The following SUGCT variants were observed in gnomAD, a reference collection of about 807,000 sequenced individuals.
The protein encoded by SUGCT is succinyl-CoA:glutarate CoA-transferase.
Under a neutral mutation model 55.0 loss-of-function variants are expected in SUGCT, and 41 were observed. That is an observed-to-expected ratio of 0.74 (90% CI 0.58 to 0.97). The LOEUF (loss-of-function observed/expected upper bound fraction) is 0.97. SUGCT is among the 50% of genes least tolerant of loss of function. The pLI, the probability that SUGCT is intolerant of heterozygous loss-of-function variation, is 0.00. For synonymous variants in SUGCT, 187 were observed against 200.4 expected (o/e 0.93, Z 0.56); for missense variants, 568 against 547.8 (o/e 1.04, Z -0.37).
intron 9 of SUGCT, among the ~76,000 whole-genome samples, chr7:40,414,463 T>G (rs1339750008): frequency 1.3e-5 from 2 of 152,142 alleles, no homozygotes; most frequent in Non-Finnish European, 2.9e-5. Flanking sequence ...TCTTGGAACA[T>G]GTCCTAAGCA....
chr7:40,300,576 A>G (rs1257726335), intron 8 of SUGCT, among the ~76,000 whole-genome samples: 2 of 152,220 alleles, frequency 1.3e-5, no homozygotes, highest in African/African-American at 4.8e-5. Context: ...TAGAATGCAG[A>G]TCATATGCAA....
chr7:40,288,681 A>G (rs1793515124), intron 8 of SUGCT, among the ~76,000 whole-genome samples: 1 of 151,976 alleles, frequency 6.6e-6, no homozygotes, highest in Non-Finnish European at 1.5e-5. Flanking sequence ...CATTAAAAAA[A>G]TAAAGAGGAA....
chr7:40,962,997 G>A, the SUGCT span, among the ~76,000 whole-genome samples: 1 of 151,972 alleles, frequency 6.6e-6, no homozygotes. Context: ...CAAACCAAGG[G>A]GATTGTATTT....
intron 12 of SUGCT, among the ~76,000 whole-genome samples, chr7:40,604,006 T>G (rs1486557267): frequency 1.3e-5 from 2 of 152,122 alleles, no homozygotes. Flanking sequence ...ACTTTGTTCT[T>G]TAGCCCATCC....
chr7:40,170,355 A>T (rs1316073834), intron 1 of SUGCT, among the ~76,000 whole-genome samples: 1 of 152,130 alleles, frequency 6.6e-6, no homozygotes, highest in East Asian at 1.9e-4. Flanking sequence ...TAAAACATCA[A>T]TATAGCCATC....
At chr7:41,029,705 G>C in the SUGCT span, among the ~76,000 whole-genome samples, 1 of 152,084 alleles carries the variant, frequency 6.6e-6, no homozygotes, top group African/African-American at 2.4e-5. Flanking sequence ...TTGTTAACAT[G>C]TATTATTTTG....
At chr7:40,321,591 C>T (rs145268037) in intron 9 of SUGCT, among the ~76,000 whole-genome samples, 5,421 of 151,838 alleles carry the variant, frequency 0.036, 340 homozygotes, top group African/African-American at 0.12. Flanking sequence ...CCATGTTGGC[C>T]AGGCTGGTCT....
intron 6 of SUGCT, among the ~76,000 whole-genome samples, chr7:40,214,212 C>T (rs1193313206): frequency 6.6e-6 from 1 of 152,018 alleles, no homozygotes; most frequent in Non-Finnish European, 1.5e-5. Context: ...TAACCGTTGC[C>T]CTGCCTTCCA....
intron 12 of SUGCT, among the ~76,000 whole-genome samples, chr7:40,565,928 C>A (rs1341072439): frequency 3.3e-5 from 5 of 150,794 alleles, no homozygotes; most frequent in African/African-American, 1.2e-4. Flanking sequence ...ACTCTCTTTC[C>A]TTGCTTAATT....
chr7:40,350,976 T>C (rs1213324653), intron 9 of SUGCT, among the ~76,000 whole-genome samples: 3 of 152,166 alleles, frequency 2.0e-5, no homozygotes, highest in Non-Finnish European at 2.9e-5. Context: ...CCCATCCTTT[T>C]TTATGGCTGC....
At chr7:40,173,935 G>GTGTT (rs1486141206) in intron 1 of SUGCT, among the ~76,000 whole-genome samples, 1 of 151,074 alleles carries the variant, frequency 6.6e-6, no homozygotes, top group Non-Finnish European at 1.5e-5. Context: ...GTGTGTGTGT[G>GTGTT]TGTGTGTGTG....
the SUGCT span, among the ~76,000 whole-genome samples, chr7:40,931,280 T>C: frequency 6.6e-6 from 1 of 152,180 alleles, no homozygotes; most frequent in Non-Finnish European, 1.5e-5. Context: ...ACTGACTTGA[T>C]TGTGGTGGAT....
chr7:40,600,723 A>C (rs1421471944), intron 12 of SUGCT, among the ~76,000 whole-genome samples: 3 of 143,028 alleles, frequency 2.1e-5, no homozygotes, highest in Non-Finnish European at 1.5e-5. Context: ...CAAGGTAGAG[A>C]GTTTTTTTTT....
intron 9 of SUGCT, among the ~76,000 whole-genome samples, chr7:40,411,710 C>T (rs751214797): frequency 1.4e-4 from 22 of 151,962 alleles, no homozygotes; most frequent in Non-Finnish European, 2.5e-4. Context: ...CCAACAGATC[C>T]GTTGGTTGAC....
chr7:40,520,697 C>T (rs975084333), intron 12 of SUGCT, among the ~76,000 whole-genome samples: 9 of 152,054 alleles, frequency 5.9e-5, no homozygotes, highest in African/African-American at 2.2e-4. Context: ...TCTGTCTTCT[C>T]ACTTCTGTTA....
At chr7:40,743,669 C>CTGTT (rs1787582106) in intron 12 of SUGCT, among the ~76,000 whole-genome samples, 1 of 152,124 alleles carries the variant, frequency 6.6e-6, no homozygotes, top group African/African-American at 2.4e-5. Context: ...TTGTTCTTTA[C>CTGTT]TGTTAGTACA....
chr7:40,885,239 G>A, the SUGCT span, among the ~76,000 whole-genome samples: 1 of 152,088 alleles, frequency 6.6e-6, no homozygotes, highest in African/African-American at 2.4e-5. Flanking sequence ...TGATTCAACG[G>A]TCCTCCAAGG....
intron 9 of SUGCT, among the ~76,000 whole-genome samples, chr7:40,397,895 C>T (rs142467591): frequency 6.6e-6 from 1 of 152,254 alleles, no homozygotes; most frequent in Non-Finnish European, 1.5e-5. Flanking sequence ...GCCCTGCACT[C>T]ACTGATGGCT....
chr7:40,657,379 C>T (rs769524172), intron 12 of SUGCT, among the ~76,000 whole-genome samples: 30 of 152,028 alleles, frequency 2.0e-4, no homozygotes, highest in Non-Finnish European at 3.2e-4. Flanking sequence ...TAATGTCAAT[C>T]GATGCTAGCC....
Sources: gnomAD v4.1 joint callset for allele counts (sites outside exome capture counted in the v4.1 genomes callset) on GRCh38, gnomAD v4.1.1 for gene constraint, MANE v1.5 for transcripts, NCBI Gene and HGNC (gene_info 2026-07-23, HGNC 2026-07-21) for gene names.